Variants in SLAIN2 observed in about 807,000 individuals in gnomAD.
SLAIN2 encodes SLAIN motif-containing protein 2.
In SLAIN2, 31 loss-of-function variants were observed where a neutral mutation model predicts 56.6. The ratio of observed to expected loss-of-function variants is 0.55; its 90% CI spans 0.41 to 0.74. The LOEUF (loss-of-function observed/expected upper bound fraction) is 0.74. Among genes scored for constraint, SLAIN2 ranks in the 30% least tolerant of loss-of-function variants. The pLI, the probability that SLAIN2 is intolerant of heterozygous loss-of-function variation, is 0.00. For synonymous variants in SLAIN2, 317 were observed against 284.9 expected, an observed-to-expected ratio of 1.11 and a Z score of -1.13; for missense variants, 777 against 754.2, an observed-to-expected ratio of 1.03 and a Z score of -0.35.
At chr4:48,411,652 C>T (rs1716851127) in intron 6 of SLAIN2, among the ~76,000 whole-genome samples, 1 of 151,332 alleles carries the variant, frequency 6.6e-6, no homozygotes, top group Admixed American at 6.6e-5. Context: ...AGGGATTTGG[C>T]TGGTTAATTT....
chr4:48,368,324 G>A (rs1577717574), intron 1 of SLAIN2, among the ~76,000 whole-genome samples: 1 of 152,076 alleles, frequency 6.6e-6, no homozygotes, highest in African/African-American at 2.4e-5. Context: ...GCCTCCCAAA[G>A]TGCTGGGATT....
intron 1 of SLAIN2, among the ~76,000 whole-genome samples, chr4:48,344,037 C>G (rs1333122961): frequency 6.6e-6 from 1 of 152,098 alleles, no homozygotes; most frequent in East Asian, 1.9e-4. Context: ...ATTGAGTCCA[C>G]TTGGGGAAGC....
intron 6 of SLAIN2, among the ~76,000 whole-genome samples, chr4:48,411,541 C>T (rs1716846680): frequency 6.6e-6 from 1 of 151,544 alleles, no homozygotes; most frequent in Non-Finnish European, 1.5e-5. Context: ...CTGCTTTTAT[C>T]TGGACTTCAT....
rs764727838 is a variant in SLAIN2, at chr4:48,383,688, A to G, written c.1264A>G (p.Asn422Asp). ...RSLPNLSRTS[N>D]TQVDSVKSSR... Reference sequence around the variant, plus strand: ...TCTTCCAAACCTGTCCCGAACATCTAATACACAAGTTGACTCAGTGAAAAG... The same window carrying G: ...TCTTCCAAACCTGTCCCGAACATCTGATACACAAGTTGACTCAGTGAAAAG... The change falls in exon 6 of 8, where the codon AAT (asparagine) becomes GAT (aspartate). Residue 422 changes from asparagine to aspartate, a missense_variant. Asn to Asp is a conservative substitution (Grantham distance 23, BLOSUM62 1). Transcript: ENST00000264313. 1.1e-5 allele frequency: 18 copies of G among 1,608,658 alleles called. No homozygotes were observed. Among genetic ancestry groups the G allele is most frequent in the Admixed American group, 1.7e-5 (1 of 59,524 alleles).
intron 6 of SLAIN2, among the ~76,000 whole-genome samples, chr4:48,414,114 TATAA>T (rs938057736): frequency 9.2e-5 from 14 of 152,238 alleles, no homozygotes; most frequent in African/African-American, 3.4e-4. Context: ...ATGTCATTTT[TATAA>T]ATAGAGTTCT....
intron 1 of SLAIN2, among the ~76,000 whole-genome samples, chr4:48,351,320 A>C (rs1479715925): frequency 2.0e-5 from 3 of 152,232 alleles, no homozygotes; most frequent in Non-Finnish European, 2.9e-5. Flanking sequence ...TAATCAGACT[A>C]AATTGTGTGT....
chr4:48,341,848 G>A lies in SLAIN2; in HGVS notation c.109G>A (p.Ala37Thr), dbSNP rs1217015969. ...CGAACAGCTGAGGAGCCGCTCGGGG[G>A]CCGTGCAGGGCGCCGGCTCCCTTGG... is the stretch of plus-strand genomic sequence containing the variant. ...QNEQLRSRSGAVQGAGSLGPG... is the reference protein window; with the variant it reads ...QNEQLRSRSGTVQGAGSLGPG... The change falls in exon 1 of 8, where the codon GCC becomes ACC. Residue 37 changes from alanine to threonine, a missense_variant. Physicochemically the swap from Ala to Thr is moderately conservative, Grantham distance 58. Coordinates refer to ENST00000264313, the MANE Select transcript of SLAIN2 (RefSeq NM_020846.2). The A allele has an allele frequency of 2.0e-6, 3 of 1,523,248 alleles. No homozygotes were observed. Among genetic ancestry groups the A allele is most frequent in the African/African-American group, 1.4e-5 (1 of 69,614 alleles). The allele number at this position is 1,523,248 out of a possible 1,614,324, so 94.4% of individuals were successfully genotyped here. A position where few individuals can be genotyped will look rare whatever the true frequency, so the allele number is the denominator to read the frequency against.
intron 6 of SLAIN2, among the ~76,000 whole-genome samples, chr4:48,403,277 C>T (rs1490392496): frequency 6.6e-6 from 1 of 152,150 alleles, no homozygotes; most frequent in Non-Finnish European, 1.5e-5. Flanking sequence ...CCCTTTTGTC[C>T]AGACTGCTCT....
At chr4:48,397,878 A>G (rs1716449708) in intron 6 of SLAIN2, among the ~76,000 whole-genome samples, 1 of 152,120 alleles carries the variant, frequency 6.6e-6, no homozygotes, top group Admixed American at 6.6e-5. Flanking sequence ...GTGTATATGT[A>G]CCACATTTTC....
At position 48,420,357 on chromosome 4, in the gene SLAIN2, A is replaced by C; in HGVS notation, c.1593A>C (p.Ala531=). 13 of 1,614,018 alleles carry C rather than the reference A, an allele frequency of 8.1e-6. No individual in the cohort carries two copies. Among genetic ancestry groups the C allele is most frequent in the Non-Finnish European group, 1.1e-5 (13 of 1,179,878 alleles). Residue 531 remains alanine (A), a synonymous_variant, in exon 7 of 8, where the codon GCA becomes GCC. Transcript: ENST00000264313. The part of the protein sequence containing the change: ...ATLTRPAGTT[A]MRSGLPRPSA... ...TAACCAGACCTGCAGGGACAACTGC[A>C]ATGAGAAGTGGCTTGCCCAGACCCA... is the stretch of plus-strand genomic sequence containing the variant.
At chr4:48,371,608 GA>G (rs926522878) in intron 2 of SLAIN2, among the ~76,000 whole-genome samples, 22 of 151,968 alleles carry the variant, frequency 1.4e-4, no homozygotes, top group Non-Finnish European at 5.9e-5. Context: ...GAAATTTTCT[GA>G]CTATATATTG....
intron 1 of SLAIN2, among the ~76,000 whole-genome samples, chr4:48,347,073 A>C (rs1714886735): frequency 6.6e-6 from 1 of 151,854 alleles, no homozygotes; most frequent in Non-Finnish European, 1.5e-5. Context: ...TGTGCAGCAC[A>C]GTGTTGGGAA....
intron 1 of SLAIN2, among the ~76,000 whole-genome samples, chr4:48,347,782 C>CAGGGAAA (rs1489910881): frequency 1.3e-5 from 2 of 152,182 alleles, no homozygotes; most frequent in African/African-American, 2.4e-5. Flanking sequence ...TCCATGGACG[C>CAGGGAAA]CAGCCCCTGG....
intron 1 of SLAIN2, among the ~76,000 whole-genome samples, chr4:48,354,538 C>G (rs1179228097): frequency 6.6e-6 from 1 of 152,042 alleles, no homozygotes; most frequent in African/African-American, 2.4e-5. Flanking sequence ...GCAATCTCAG[C>G]TCACTGCAAC....
chr4:48,359,039 CTT>C (rs1715246346), intron 1 of SLAIN2, among the ~76,000 whole-genome samples: 1 of 152,132 alleles, frequency 6.6e-6, no homozygotes, highest in Non-Finnish European at 1.5e-5. Flanking sequence ...ATAAGATAAA[CTT>C]TTATTAAAGT....
intron 1 of SLAIN2, among the ~76,000 whole-genome samples, chr4:48,365,893 T>A (rs1235783088): frequency 6.6e-6 from 1 of 152,230 alleles, no homozygotes; most frequent in Non-Finnish European, 1.5e-5. Context: ...CTTGTTCTAA[T>A]TTTTCAAGCT....
rs142584647 is a variant in SLAIN2, at chr4:48,379,642, A to G, written c.704-48A>G. On this transcript the variant is annotated intron_variant, in intron 3 of 7. Coordinates refer to ENST00000264313, the MANE Select transcript of SLAIN2 (RefSeq NM_020846.2). ...GTTAGTTGCAGTAGGCATTTATTCA[A>G]TAGTTGCTTTACCAGAGTTTGAATT... 1,688 of 1,329,898 alleles carry G rather than the reference A, an allele frequency of 1.3e-3. 1 individual carries two copies. The highest frequency in any genetic ancestry group is 1.5e-3 in the Non-Finnish European group (1,552 of 1,026,444). 82.4% of individuals were successfully genotyped at this position (1,329,898 alleles called of 1,614,324 possible). A position where few individuals can be genotyped will look rare whatever the true frequency, so the allele number is the denominator to read the frequency against.
chr4:48,343,907 C>G (rs955395803), intron 1 of SLAIN2, among the ~76,000 whole-genome samples: 1 of 152,042 alleles, frequency 6.6e-6, no homozygotes, highest in Non-Finnish European at 1.5e-5. Flanking sequence ...TTAAAAGAAC[C>G]CAGAATCTTG....
At chr4:48,357,628 C>T (rs1371682069) in intron 1 of SLAIN2, among the ~76,000 whole-genome samples, 3 of 152,186 alleles carry the variant, frequency 2.0e-5, no homozygotes, top group Admixed American at 6.5e-5. Context: ...CGACTCACCG[C>T]AGCCTCCACT....
Sources: gnomAD v4.1 joint callset for allele counts (sites outside exome capture counted in the v4.1 genomes callset) on GRCh38, gnomAD v4.1.1 for gene constraint, MANE v1.5 for transcripts, NCBI Gene and HGNC (gene_info 2026-07-23, HGNC 2026-07-21) for gene names.